Variants in GREB1L observed in about 807,000 individuals in gnomAD.
GREB1L encodes the protein GREB1-like protein.
A neutral mutation model predicts 200.8 loss-of-function variants in GREB1L; 17 were observed. The observed-to-expected ratio is 0.08, with a 90% CI of 0.06 to 0.13. The LOEUF (loss-of-function observed/expected upper bound fraction) is 0.13. GREB1L is among the 10% of genes least tolerant of loss of function. GREB1L has a pLI of 1.00. For missense variants in GREB1L, 1,657 were observed against 2,367.7 expected (o/e 0.70, Z 6.23); for synonymous variants, 789 against 893.0 (o/e 0.88, Z 2.08).
chr18:21,520,132 A>G (rs1306263913), intron 31 of GREB1L, among the ~76,000 whole-genome samples: 2 of 151,974 alleles, frequency 1.3e-5, no homozygotes, highest in Non-Finnish European at 2.9e-5. Flanking sequence ...CTAGAGATGG[A>G]ATTTTGCCAC....
At chr18:21,365,852 A>G (rs2039665806) in intron 1 of GREB1L, among the ~76,000 whole-genome samples, 175 bp from the exon 2 acceptor site, 1 of 152,092 alleles carries the variant, frequency 6.6e-6, no homozygotes, top group African/African-American at 2.4e-5. Context: ...AAAGTGGAGT[A>G]TCTGTATATT....
At chr18:21,511,274 G>A (rs955680353) in intron 27 of GREB1L, among the ~76,000 whole-genome samples, 1 of 152,016 alleles carries the variant, frequency 6.6e-6, no homozygotes, top group African/African-American at 2.4e-5. Flanking sequence ...TGAGGCAGGA[G>A]AATCACTTGA....
chr18:21,302,662 G>T (rs1221223694), intron 1 of GREB1L, among the ~76,000 whole-genome samples: 1 of 152,148 alleles, frequency 6.6e-6, no homozygotes, highest in Non-Finnish European at 1.5e-5. Context: ...TTTTGGTTTG[G>T]TCTGGTCTGT....
intron 1 of GREB1L, among the ~76,000 whole-genome samples, chr18:21,297,547 A>T (rs1176972269): frequency 1.3e-5 from 2 of 152,182 alleles, no homozygotes; most frequent in East Asian, 3.9e-4. Flanking sequence ...TGACAGAGAC[A>T]TATAGAATGG....
intron 1 of GREB1L, among the ~76,000 whole-genome samples, chr18:21,314,306 A>G (rs1305937660): frequency 6.6e-6 from 1 of 152,258 alleles, no homozygotes; most frequent in East Asian, 1.9e-4. Flanking sequence ...AGTTTAGGAT[A>G]TAGTTTAGAT....
chr18:21,279,595 C>A (rs1038143452), intron 1 of GREB1L, among the ~76,000 whole-genome samples: 2 of 152,098 alleles, frequency 1.3e-5, no homozygotes, highest in Non-Finnish European at 2.9e-5. Flanking sequence ...AATTTCACTG[C>A]GAATTTAGCG....
intron 7 of GREB1L, among the ~76,000 whole-genome samples, chr18:21,413,624 C>T (rs550996388): frequency 1.3e-5 from 2 of 152,262 alleles, no homozygotes; most frequent in African/African-American, 4.8e-5. Context: ...TCTTATTCCC[C>T]TACTGCATTC....
In GREB1L at chr18:21,263,329, C is replaced by T. The variant is rs182309461; in HGVS notation, c.-120+20936C>T. 8.3e-4 allele frequency among the ~76,000 whole-genome samples: 126 copies of T among 152,266 alleles called. 1 individual carries two copies. The highest frequency in any genetic ancestry group is 6.6e-4 in the Non-Finnish European group (45 of 68,008). On this transcript the variant is annotated intron_variant, in intron 1 of 32. Transcript: ENST00000424526. ...GTTGGTAGGTCACTATCCTTGTCTT[C>T]GTCCATTACAAAAATAGCCTTAAGG...
At chr18:21,270,582 C>G (rs1436446120) in intron 1 of GREB1L, among the ~76,000 whole-genome samples, 1 of 152,220 alleles carries the variant, frequency 6.6e-6, no homozygotes. Flanking sequence ...CCTCTCTCAT[C>G]CCGCCCTTGA....
chr18:21,477,080 T>G, intron 16 of GREB1L, 84 bp from the exon 17 acceptor site: 1 of 849,514 alleles, frequency 1.2e-6, no homozygotes, highest in Non-Finnish European at 1.7e-6. Flanking sequence ...AAATAAAAAC[T>G]AAAACAGTAT....
intron 1 of GREB1L, among the ~76,000 whole-genome samples, chr18:21,259,389 GTAAGCTAA>G (rs2037854506): frequency 1.3e-5 from 2 of 152,218 alleles, no homozygotes; most frequent in South Asian, 4.1e-4. Flanking sequence ...TTAACAATAA[GTAAGCTAA>G]TAAGTCTTTT....
chr18:21,429,188 C>T (rs1249081981), intron 7 of GREB1L, among the ~76,000 whole-genome samples: 3 of 83,198 alleles, frequency 3.6e-5, no homozygotes, highest in African/African-American at 9.6e-5. Flanking sequence ...CTTCCCCTCC[C>T]TTCCCCTCCC....
At chr18:21,374,131 A>G (rs550363337) in intron 2 of GREB1L, among the ~76,000 whole-genome samples, 2 of 152,120 alleles carry the variant, frequency 1.3e-5, no homozygotes, top group East Asian at 3.9e-4. Context: ...CCTCCTGAGT[A>G]GCTGGGACCG....
intron 4 of GREB1L, among the ~76,000 whole-genome samples, chr18:21,393,575 C>T (rs2040918302): frequency 6.6e-6 from 1 of 152,146 alleles, no homozygotes; most frequent in Non-Finnish European, 1.5e-5. Context: ...TCTACAGGTG[C>T]CTGCCACCAT....
intron 15 of GREB1L, among the ~76,000 whole-genome samples, chr18:21,456,845 T>C (rs952245874): frequency 3.3e-5 from 5 of 152,218 alleles, no homozygotes; most frequent in Admixed American, 1.3e-4. Context: ...GGGAGTGGGT[T>C]GTTGTCGGTC....
At chr18:21,378,755 A>T (rs1227573709) in intron 2 of GREB1L, among the ~76,000 whole-genome samples, 3 of 152,208 alleles carry the variant, frequency 2.0e-5, no homozygotes, top group African/African-American at 7.2e-5. Flanking sequence ...ACCAAGTCTC[A>T]GCAGGGAATA....
rs1396161585 is a variant in GREB1L at position 21,526,093 on chromosome 18, GAAC to G, written c.*3274_*3276del. Among the ~76,000 whole-genome samples the G allele has an allele frequency of 2.0e-5, 3 of 151,968 alleles. No homozygotes were observed. The East Asian group carries it at 5.8e-4, about 29-fold the overall frequency. ...AGGCCTGAAACAACATCCAGAGAAC[GAAC>G]ATTTATCAAGCTTCTCTTTAGACAC... is the stretch of plus-strand genomic sequence containing the variant. On this transcript the variant is annotated 3_prime_UTR_variant, in exon 33 of 33. Coordinates refer to ENST00000424526, the MANE Select transcript of GREB1L (RefSeq NM_001142966.3).
chr18:21,259,281 A>G (rs1238580834), intron 1 of GREB1L, among the ~76,000 whole-genome samples: 3 of 152,228 alleles, frequency 2.0e-5, no homozygotes, highest in South Asian at 2.1e-4. Context: ...CATGAAATAC[A>G]TTTGTCACTT....
chr18:21,347,213 G>A (rs2039359548), intron 1 of GREB1L, among the ~76,000 whole-genome samples: 1 of 151,696 alleles, frequency 6.6e-6, no homozygotes, highest in African/African-American at 2.4e-5. Context: ...AGGAGGCAGT[G>A]GTTGCAGTGA....
Sources: allele counts gnomAD v4.1 joint callset (sites outside exome capture counted in the v4.1 genomes callset), GRCh38; gene constraint gnomAD v4.1.1; transcripts MANE v1.5; gene names NCBI Gene and HGNC (gene_info 2026-07-23, HGNC 2026-07-21).